Variants in GALNT13 observed in about 807,000 individuals in gnomAD.
GALNT13 encodes UDP-GalNAc:polypeptide N-acetylgalactosaminyltransferase 13.
In GALNT13, 28 loss-of-function variants were observed where a neutral mutation model predicts 64.2. That is an observed-to-expected ratio of 0.44 (90% confidence interval 0.32 to 0.60). The LOEUF (loss-of-function observed/expected upper bound fraction) is 0.60. Among genes scored for constraint, GALNT13 ranks in the 20% least tolerant of loss-of-function variants. GALNT13 has a pLI of 0.05. For missense variants in GALNT13, 577 were observed against 669.8 expected (o/e 0.86, Z 1.53); for synonymous variants, 214 against 224.6 (o/e 0.95, Z 0.42).
intron 9 of GALNT13, among the ~76,000 whole-genome samples, chr2:154,310,023 T>C (rs1693947477): frequency 6.6e-6 from 1 of 152,204 alleles, no homozygotes; most frequent in South Asian, 2.1e-4. Context: ...GTCTCCAAGC[T>C]TAACATGCTC....
chr2:153,316,639 C>CAA, the GALNT13 span, among the ~76,000 whole-genome samples: 28 of 69,850 alleles, frequency 4.0e-4, 1 homozygote, highest in South Asian at 5.8e-4. Context: ...GACTCCGTCT[C>CAA]AAAAAAAAAA....
chr2:153,641,157 T>C, the GALNT13 span, among the ~76,000 whole-genome samples: 1 of 152,142 alleles, frequency 6.6e-6, no homozygotes, highest in Non-Finnish European at 1.5e-5. Flanking sequence ...CAAACATTAT[T>C]TCCTTTAAAT....
intron 3 of GALNT13, among the ~76,000 whole-genome samples, chr2:154,139,255 C>T (rs1363186243): frequency 2.0e-5 from 3 of 151,962 alleles, no homozygotes; most frequent in Non-Finnish European, 4.4e-5. Flanking sequence ...GTGTTCTATC[C>T]TAGTTTTTAC....
At chr2:153,937,003 A>C (rs549374884) in intron 2 of GALNT13, among the ~76,000 whole-genome samples, 23 of 151,978 alleles carry the variant, frequency 1.5e-4, no homozygotes, top group Non-Finnish European at 2.6e-4. Flanking sequence ...AGGCGTGAGC[A>C]ACCGTGCCTG....
the GALNT13 span, among the ~76,000 whole-genome samples, chr2:153,373,159 T>TGC: frequency 2.7e-5 from 4 of 149,654 alleles, no homozygotes; most frequent in East Asian, 3.9e-4. Flanking sequence ...TGTGTGTGTG[T>TGC]GCACGTGTGT....
At chr2:154,366,606 T>A (rs749944641) in intron 9 of GALNT13, among the ~76,000 whole-genome samples, 4 of 152,202 alleles carry the variant, frequency 2.6e-5, no homozygotes, top group Non-Finnish European at 4.4e-5. Flanking sequence ...TAACATGTAT[T>A]ATACATGTCA....
At chr2:153,853,364 C>T in the GALNT13 span, among the ~76,000 whole-genome samples, 60 of 152,236 alleles carry the variant, frequency 3.9e-4, no homozygotes, top group African/African-American at 1.3e-3. Context: ...ATCAAGTCAA[C>T]CCTCAATATT....
intron 3 of GALNT13, among the ~76,000 whole-genome samples, chr2:154,088,243 T>C (rs182290479): frequency 1.3e-5 from 2 of 152,278 alleles, no homozygotes; most frequent in Middle Eastern, 3.4e-3. Context: ...TTCTCTTGTT[T>C]TATCTTTAGC....
intron 3 of GALNT13, among the ~76,000 whole-genome samples, chr2:154,075,358 T>G (rs1700932872): frequency 6.6e-6 from 1 of 151,818 alleles, no homozygotes; most frequent in Non-Finnish European, 1.5e-5. Context: ...TTTCTTTTCC[T>G]CTTTAGGTTT....
chr2:153,290,658 A>G, the GALNT13 span, among the ~76,000 whole-genome samples: 1 of 152,232 alleles, frequency 6.6e-6, no homozygotes, highest in South Asian at 2.1e-4. Context: ...TCTTTGTAGA[A>G]TAACTACTGA....
chr2:153,223,913 C>T, the GALNT13 span, among the ~76,000 whole-genome samples: 164 of 152,044 alleles, frequency 1.1e-3, 2 homozygotes, highest in East Asian at 0.029. Flanking sequence ...GAGGTTGCAG[C>T]GAGCCAAGAT....
At chr2:153,428,808 A>G in the GALNT13 span, among the ~76,000 whole-genome samples, 1,043 of 152,274 alleles carry the variant, frequency 6.8e-3, 10 homozygotes, top group African/African-American at 0.022. Context: ...ATGTTTGTAA[A>G]GGGGAAGTAT....
At chr2:153,233,845 G>A in the GALNT13 span, among the ~76,000 whole-genome samples, 2 of 152,214 alleles carry the variant, frequency 1.3e-5, no homozygotes, top group Admixed American at 6.5e-5. Flanking sequence ...TGTTTCCTTG[G>A]AGGGCAGAAA....
At chr2:154,342,121 T>C (rs1231201228) in intron 9 of GALNT13, among the ~76,000 whole-genome samples, 1 of 152,020 alleles carries the variant, frequency 6.6e-6, no homozygotes, top group Non-Finnish European at 1.5e-5. Flanking sequence ...ATGTCTTCAT[T>C]TGAGTGGAGT....
At chr2:154,097,142 A>G (rs1702114888) in intron 3 of GALNT13, among the ~76,000 whole-genome samples, 1 of 152,054 alleles carries the variant, frequency 6.6e-6, no homozygotes, top group Non-Finnish European at 1.5e-5. Context: ...TTTCCTTTAA[A>G]TTAATGCTAA....
the GALNT13 span, among the ~76,000 whole-genome samples, chr2:153,304,884 T>C: frequency 1.3e-5 from 2 of 152,142 alleles, no homozygotes; most frequent in African/African-American, 4.8e-5. Context: ...CGGAGAGGGC[T>C]GGAGATAGAA....
chr2:153,495,708 A>G, the GALNT13 span, among the ~76,000 whole-genome samples: 1 of 152,200 alleles, frequency 6.6e-6, no homozygotes, highest in Admixed American at 6.5e-5. Flanking sequence ...GCAAACTACT[A>G]ATCTATCATA....
At chr2:154,328,793 C>G (rs910020010) in intron 9 of GALNT13, among the ~76,000 whole-genome samples, 11 of 152,134 alleles carry the variant, frequency 7.2e-5, no homozygotes, top group Admixed American at 2.0e-4. Flanking sequence ...CCCACAGTGG[C>G]ATTCTCAGGC....
At chr2:153,324,983 A>C in the GALNT13 span, among the ~76,000 whole-genome samples, 2 of 152,174 alleles carry the variant, frequency 1.3e-5, no homozygotes, top group South Asian at 2.1e-4. Flanking sequence ...TATAAGGATG[A>C]TGCTGCTCTC....
Sources: gnomAD v4.1 joint callset for allele counts (sites outside exome capture counted in the v4.1 genomes callset) on GRCh38, gnomAD v4.1.1 for gene constraint, MANE v1.5 for transcripts, NCBI Gene and HGNC (gene_info 2026-07-23, HGNC 2026-07-21) for gene names.